KCTD1: variants seen among roughly 807,000 people sequenced by gnomAD.
The protein encoded by KCTD1 is BTB/POZ domain-containing protein KCTD1.
In KCTD1, 24 loss-of-function variants were observed where a neutral mutation model predicts 66.0. The ratio of observed to expected loss-of-function variants is 0.36; its 90% CI spans 0.26 to 0.51. The LOEUF (loss-of-function observed/expected upper bound fraction) is 0.51, where lower values mean the gene tolerates loss of function less well. KCTD1 is among the 20% of genes least tolerant of loss of function. The probability of loss-of-function intolerance (pLI) is 0.95; values close to 1 mark genes in which losing one functional copy is unlikely to be tolerated. For synonymous variants in KCTD1, 511 were observed against 517.2 expected, an observed-to-expected ratio of 0.99 and a Z score of 0.16; for missense variants, 943 against 1,205.2, an observed-to-expected ratio of 0.78 and a Z score of 3.22.
In KCTD1 at chr18:26,553,616, T is replaced by C. The variant is rs187366486; in HGVS notation, c.-15-52366A>G. Among the ~76,000 whole-genome samples the C allele has an allele frequency of 1.9e-3, 287 of 152,338 alleles. 1 individual carries two copies. The highest frequency in any genetic ancestry group is 3.6e-3 in the Non-Finnish European group (245 of 68,034). ...TTGCCTTACTAGCCACCCTTTTCTA[T>C]GGCTCAGTTCTCTCATTTTATTACC... On this transcript the variant is annotated intron_variant, in intron 1 of 4. Coordinates refer to the KCTD1 transcript ENST00000317932.
chr18:26,600,216 G>A, intron 1 of KCTD1: 1 of 1,601,712 alleles, frequency 6.2e-7, no homozygotes, highest in Non-Finnish European at 8.5e-7. Flanking sequence ...CCCAGCCCAA[G>A]TCGGCTTGTG....
At chr18:26,549,222 C>CGGCGGCGGCTCCCCCACCTACTTGCT, upstream of KCTD1, 1 of 986,294 alleles carries the variant, frequency 1.0e-6, no homozygotes, top group Non-Finnish European at 1.2e-6. Flanking sequence ...GGGCTGGCGG[C>CGGCGGCGGCTCCCCCACCTACTTGCT]GGCGGCGGCT....
chr18:26,594,662 C>T (rs1039162653), intron 1 of KCTD1, among the ~76,000 whole-genome samples: 2 of 152,140 alleles, frequency 1.3e-5, no homozygotes, highest in Non-Finnish European at 2.9e-5. Context: ...CTCAGCTAGG[C>T]TGCGGTGCCC....
intron 1 of KCTD1, among the ~76,000 whole-genome samples, chr18:26,535,556 T>TA (rs148277393): frequency 0.099 from 15,008 of 152,148 alleles, 1,037 homozygotes; most frequent in African/African-American, 0.19. Context: ...ACTGGGCTGT[T>TA]CATTTCACCC....
chr18:26,549,785 C>G (rs1268700405), upstream of KCTD1: 1 of 985,342 alleles, frequency 1.0e-6, no homozygotes, highest in African/African-American at 1.7e-5. Context: ...CTCAGGCGCG[C>G]GGGGGCGGGC....
chr18:26,541,151 A>G (rs942903054), intron 1 of KCTD1, among the ~76,000 whole-genome samples: 11 of 152,152 alleles, frequency 7.2e-5, no homozygotes, highest in African/African-American at 2.7e-4. Context: ...TCATCACTAG[A>G]GGCCTGCACC....
At chr18:26,505,458 A>G (rs1982985689) in intron 1 of KCTD1, among the ~76,000 whole-genome samples, 2 of 152,264 alleles carry the variant, frequency 1.3e-5, no homozygotes, top group Non-Finnish European at 2.9e-5. Flanking sequence ...TCCGGAATAC[A>G]GACGAAGAAC....
At chr18:26,495,144 C>A (rs17224726) in intron 2 of KCTD1, among the ~76,000 whole-genome samples, 3 of 151,682 alleles carry the variant, frequency 2.0e-5, no homozygotes, top group Non-Finnish European at 2.9e-5. Flanking sequence ...CCTAAAACAA[C>A]GGCTTGCACG....
chr18:26,554,656 T>TA (rs1287344924), intron 1 of KCTD1, among the ~76,000 whole-genome samples: 1 of 152,178 alleles, frequency 6.6e-6, no homozygotes, highest in East Asian at 1.9e-4. Context: ...ACAGGCAGAG[T>TA]AAACTTAATG....
At chr18:26,586,639 G>GA in intron 1 of KCTD1, among the ~76,000 whole-genome samples, 1 of 152,312 alleles carries the variant, frequency 6.6e-6, no homozygotes, top group Admixed American at 6.5e-5. Context: ...GAATGCAAAG[G>GA]AAAAGATTTT....
intron 1 of KCTD1, among the ~76,000 whole-genome samples, chr18:26,584,016 T>C (rs1473227596): frequency 1.3e-5 from 2 of 152,220 alleles, no homozygotes; most frequent in African/African-American, 4.8e-5. Context: ...AATAAATCCA[T>C]ATAGTGGCCT....
intron 1 of KCTD1, among the ~76,000 whole-genome samples, chr18:26,611,178 T>C (rs923620213): frequency 6.6e-6 from 1 of 152,232 alleles, no homozygotes; most frequent in African/African-American, 2.4e-5. Flanking sequence ...GGATGGTGTC[T>C]GTTGCTATGT....
intron 1 of KCTD1, among the ~76,000 whole-genome samples, chr18:26,625,594 A>G (rs187572789): frequency 1.1e-4 from 16 of 152,328 alleles, no homozygotes; most frequent in Admixed American, 7.2e-4. Context: ...CTGTGAGTCA[A>G]TTAAACTTCT....
intron 1 of KCTD1, among the ~76,000 whole-genome samples, chr18:26,559,826 G>T (rs1985802396): frequency 6.6e-6 from 1 of 152,158 alleles, no homozygotes; most frequent in African/African-American, 2.4e-5. Context: ...TTAAGGCCCA[G>T]CTCCAAATCC....
rs141076084 is a variant in KCTD1, at chr18:26,534,165, T to C, written c.1809+12563A>G. 6.3e-3 allele frequency among the ~76,000 whole-genome samples: 963 copies of C among 152,272 alleles called. 6 individuals carry two copies. The highest frequency in any genetic ancestry group is 0.013 in the Admixed American group (205 of 15,306). On this transcript the variant is annotated intron_variant, in intron 1 of 4. Coordinates refer to ENST00000580059, the MANE Select transcript of KCTD1 (RefSeq NM_001142730.3). ...CATTTCAATTTTTTTATTTACAGTC[T>C]ACTTAAAAATATACATAGAAAATAA...
At chr18:26,626,187 G>A (rs187968917) in intron 1 of KCTD1, among the ~76,000 whole-genome samples, 41 of 149,520 alleles carry the variant, frequency 2.7e-4, no homozygotes, top group Admixed American at 2.4e-3. Flanking sequence ...ACCTTTTATT[G>A]TTGGAGCCAA....
At chr18:26,594,997 C>T (rs1986734198) in intron 1 of KCTD1, among the ~76,000 whole-genome samples, 2 of 152,046 alleles carry the variant, frequency 1.3e-5, no homozygotes, top group African/African-American at 4.8e-5. Context: ...CCAACTCCTC[C>T]CCTCTCCCTC....
chr18:26,494,087 G>C (rs536670167), intron 2 of KCTD1, among the ~76,000 whole-genome samples: 1 of 152,224 alleles, frequency 6.6e-6, no homozygotes, highest in African/African-American at 2.4e-5. Context: ...ATGAAAGAAC[G>C]GGCCACGCTC....
intron 1 of KCTD1, among the ~76,000 whole-genome samples, chr18:26,656,061 G>A (rs867394280): frequency 2.0e-5 from 3 of 152,062 alleles, no homozygotes; most frequent in African/African-American, 7.2e-5. Context: ...GCAGTTGGGG[G>A]GGCGGAGGAG....
Sources: allele counts gnomAD v4.1 joint callset (sites outside exome capture counted in the v4.1 genomes callset), GRCh38; gene constraint gnomAD v4.1.1; transcripts MANE v1.5; gene names NCBI Gene and HGNC (gene_info 2026-07-23, HGNC 2026-07-21).